The following RUNX3 variants were observed in gnomAD, a reference collection of about 807,000 sequenced individuals.
The protein encoded by RUNX3 is runt-related transcription factor 3.
RUNX3 carries 10 observed loss-of-function variants against 27.7 expected under a neutral mutation model. The ratio of observed to expected loss-of-function variants is 0.36; its 90% CI spans 0.22 to 0.61. The LOEUF (loss-of-function observed/expected upper bound fraction) is 0.61, where lower values mean the gene tolerates loss of function less well. Among genes scored for constraint, RUNX3 ranks in the 20% least tolerant of loss-of-function variants. The pLI, the probability that RUNX3 is intolerant of heterozygous loss-of-function variation, is 0.72. For missense variants in RUNX3, 469 were observed against 629.5 expected (o/e 0.75, Z 2.73); for synonymous variants, 270 against 269.2 (o/e 1.00, Z -0.03).
At position 24,902,142 on chromosome 1, in the gene RUNX3, C is replaced by T; in HGVS notation, c.1228G>A (p.Ala410Thr). The change falls in exon 5 of 5, where the codon GCC becomes ACC. Residue 410 changes from alanine to threonine, a missense_variant. Physicochemically the swap from Ala to Thr is moderately conservative, Grantham distance 58. Transcript: ENST00000308873. This position sits in a 1 kb window ranked among gnomAD's most constrained non-coding sequence, Gnocchi z 9.2. ...ALSTPGRMDE[A>T]VWRPY Reference sequence around the variant, plus strand: ...GGCGGTCAGTAGGGCCGCCACACGGCCTCATCCATGCGGCCTGGCGTGCTC... The same window carrying T: ...GGCGGTCAGTAGGGCCGCCACACGGTCTCATCCATGCGGCCTGGCGTGCTC... The T allele has an allele frequency of 6.4e-7, 1 of 1,559,828 alleles. No homozygotes were observed. Among genetic ancestry groups the T allele is most frequent in the Non-Finnish European group, 8.7e-7 (1 of 1,151,988 alleles).
chr1:24,940,447 T>C (rs1351626991), intron 2 of RUNX3, among the ~76,000 whole-genome samples: 1 of 152,128 alleles, frequency 6.6e-6, no homozygotes, highest in Non-Finnish European at 1.5e-5. Flanking sequence ...AGTTTCCTCA[T>C]CTATGAAATG....
At chr1:24,920,924 C>T (rs1053088544) in intron 2 of RUNX3, among the ~76,000 whole-genome samples, 1 of 152,174 alleles carries the variant, frequency 6.6e-6, no homozygotes, top group Admixed American at 6.5e-5. Context: ...CAGCCTCATG[C>T]TTTATGAGAT....
chr1:24,946,760 C>T (rs911724857), intron 2 of RUNX3, among the ~76,000 whole-genome samples: 1 of 152,142 alleles, frequency 6.6e-6, no homozygotes, highest in Non-Finnish European at 1.5e-5. Context: ...CACCGCCCCA[C>T]ATCCTCCCCA....
intron 2 of RUNX3, among the ~76,000 whole-genome samples, chr1:24,941,873 C>T (rs1304259088): frequency 6.6e-6 from 1 of 152,194 alleles, no homozygotes; most frequent in Non-Finnish European, 1.5e-5. Context: ...CCCTGCCTGG[C>T]AAGTCCAGGT....
In RUNX3 at chr1:24,927,808, T is replaced by G; in HGVS notation, c.283-78A>C. The G allele has an allele frequency of 2.8e-5, 34 of 1,221,650 alleles. No homozygotes were observed. The highest frequency in any genetic ancestry group is 3.6e-5 in the Non-Finnish European group (30 of 827,966). The allele number at this position is 1,221,650 out of a possible 1,614,324, so 75.7% of individuals were successfully genotyped here. A position where few individuals can be genotyped will look rare whatever the true frequency, so the allele number is the denominator to read the frequency against. On this transcript the variant is annotated intron_variant, in intron 1 of 4. Coordinates refer to ENST00000308873, the MANE Select transcript of RUNX3 (RefSeq NM_004350.3). This position sits in a 1 kb window ranked among gnomAD's most constrained non-coding sequence, Gnocchi z 5.0. ...TGACCAGGGAAAGGAGGGGAGGGGCTGGGCTGGGCAGCTCCCCCAGGTCCC... is the reference window on the plus strand; with the variant it reads ...TGACCAGGGAAAGGAGGGGAGGGGCGGGGCTGGGCAGCTCCCCCAGGTCCC...
chr1:24,907,208 G>A, intron 4 of RUNX3, 51 bp downstream of exon 4: 1 of 1,574,876 alleles, frequency 6.3e-7, no homozygotes, highest in East Asian at 2.3e-5. Flanking sequence ...ACCACATCGA[G>A]GCCCTCCACC....
intron 3 of RUNX3, among the ~76,000 whole-genome samples, chr1:24,908,540 C>T (rs1394211423): frequency 6.6e-6 from 1 of 152,046 alleles, no homozygotes; most frequent in African/African-American, 2.4e-5. Flanking sequence ...GTGGCACAAG[C>T]CTGTAGTCCC....
chr1:24,962,475 G>A lies in RUNX3; in HGVS notation c.58+2039C>T, dbSNP rs940740285. On this transcript the variant is annotated intron_variant, in intron 2 of 6. Transcript: ENST00000338888. This position sits in a 1 kb window ranked among gnomAD's most constrained non-coding sequence, Gnocchi z 4.5. ...CCTGGGGCTGCGTCTCTTTGAGGAA[G>A]GAATTGGCAGCTGGAGCCCTGTAAG... 1.3e-4 allele frequency among the ~76,000 whole-genome samples: 20 copies of A among 152,284 alleles called. 1 individual carries two copies. The highest frequency in any genetic ancestry group is 1.7e-4 in the African/African-American group (7 of 41,562).
chr1:24,902,984 A>G lies in RUNX3; in HGVS notation c.704-318T>C, dbSNP rs1318222216. ...TCCCAGCCTCGCAGAGGAGAGGCCT[A>G]GGATGCGGTGGTGGGGCTGAGGGCA... On this transcript the variant is annotated intron_variant, in intron 4 of 4. Transcript: ENST00000308873. This position sits in a 1 kb window ranked among gnomAD's most constrained non-coding sequence, Gnocchi z 9.2. 6.6e-6 allele frequency among the ~76,000 whole-genome samples: 1 copy of G among 152,204 alleles called. No individual in the cohort carries two copies. Among genetic ancestry groups the G allele is most frequent in the Non-Finnish European group, 1.5e-5 (1 of 68,010 alleles).
chr1:24,936,277 C>T (rs1641349161), intron 2 of RUNX3, among the ~76,000 whole-genome samples: 1 of 152,182 alleles, frequency 6.6e-6, no homozygotes, highest in Admixed American at 6.5e-5. Flanking sequence ...TCCCATTTTA[C>T]AGGAAAGAAA....
Position 24,902,997 on chromosome 1 carries a change from G to C in RUNX3, c.704-331C>G, listed in dbSNP as rs1374048504. ...GAGGAGAGGCCTAGGATGCGGTGGTGGGGCTGAGGGCAGAGTCAGCTCAGG... is the reference window on the plus strand; with the variant it reads ...GAGGAGAGGCCTAGGATGCGGTGGTCGGGCTGAGGGCAGAGTCAGCTCAGG... On this transcript the variant is annotated intron_variant, in intron 4 of 4. Coordinates refer to ENST00000308873, the MANE Select transcript of RUNX3 (RefSeq NM_004350.3). The surrounding 1 kb of genome is among the most constrained non-coding windows in gnomAD (Gnocchi z 9.2). 6.6e-6 allele frequency among the ~76,000 whole-genome samples: 1 copy of C among 152,174 alleles called. No individual in the cohort carries two copies. The highest frequency in any genetic ancestry group is 6.5e-5 in the Admixed American group (1 of 15,284).
chr1:24,906,002 C>T (rs1640658349), intron 4 of RUNX3, among the ~76,000 whole-genome samples: 1 of 152,262 alleles, frequency 6.6e-6, no homozygotes, highest in Non-Finnish European at 1.5e-5. Flanking sequence ...ACCTTGGCGT[C>T]TCAGCAGGAC....
intron 2 of RUNX3, among the ~76,000 whole-genome samples, chr1:24,920,788 G>A (rs558258245): frequency 1.3e-5 from 2 of 152,252 alleles, no homozygotes; most frequent in South Asian, 2.1e-4. Context: ...CGTGTAGAAA[G>A]CAGTTTATGA....
chr1:24,930,085 C>A lies in RUNX3; in HGVS notation c.-217G>T. 1.0e-6 allele frequency: 1 copy of A among 979,946 alleles called. No homozygotes were observed. Among genetic ancestry groups the A allele is most frequent in the Non-Finnish European group, 1.2e-6 (1 of 827,804 alleles). 60.7% of individuals were successfully genotyped at this position (979,946 alleles called of 1,614,324 possible). A position where few individuals can be genotyped will look rare whatever the true frequency, so the allele number is the denominator to read the frequency against. ...TGGCCCGACGGCCGCCCGCAGCCTG[C>A]CCGGCTAGTCCCGCATCCTCGGCGC... On this transcript the variant is annotated 5_prime_UTR_variant, in exon 1 of 5. Transcript: ENST00000308873. This position sits in a 1 kb window ranked among gnomAD's most constrained non-coding sequence, Gnocchi z 4.1.
intron 1 of RUNX3, chr1:24,929,154 C>A (rs752735978): frequency 4.3e-6 from 2 of 466,244 alleles, no homozygotes; most frequent in Admixed American, 2.3e-5. Context: ...GAAGCTTTTG[C>A]GAAGCGGCGC....
intron 3 of RUNX3, among the ~76,000 whole-genome samples, chr1:24,917,063 C>T (rs2236851): frequency 0.12 from 19,023 of 152,218 alleles, 1,531 homozygotes; most frequent in Non-Finnish European, 0.18. Context: ...GCAGAGTGGG[C>T]GGCTCTGGGG....
rs1449259131 is a variant in RUNX3, at chr1:24,962,301, C to A, written c.58+2213G>T. On this transcript the variant is annotated intron_variant, in intron 2 of 6. Transcript: ENST00000338888. This position sits in a 1 kb window ranked among gnomAD's most constrained non-coding sequence, Gnocchi z 4.5. ...TTGACAATGGTATTTCCATCGATTT[C>A]TTTTCCTTTGTAATCCTTTGGATTT... The A allele has an allele frequency of 6.6e-6, 1 of 152,220 alleles. No homozygotes were observed. Among genetic ancestry groups the A allele is most frequent in the Non-Finnish European group, 1.5e-5 (1 of 68,034 alleles). 9.4% of individuals were successfully genotyped at this position (152,220 alleles called of 1,614,324 possible).
intron 1 of RUNX3, chr1:24,929,266 C>T: frequency 1.7e-6 from 1 of 597,542 alleles, no homozygotes; most frequent in South Asian, 1.5e-5. Flanking sequence ...CCGTTACCCG[C>T]AGGGCTGTAT....
chr1:24,909,682 T>A (rs2124259204), intron 3 of RUNX3, among the ~76,000 whole-genome samples: 1 of 152,316 alleles, frequency 6.6e-6, no homozygotes, highest in African/African-American at 2.4e-5. Flanking sequence ...AGCTTCCCCT[T>A]TAGTTCCCTT....
Sources: gnomAD v4.1 joint callset for allele counts (sites outside exome capture counted in the v4.1 genomes callset) on GRCh38, gnomAD v4.1.1 for gene constraint, Gnocchi (gnomAD v3.1) non-coding constraint, MANE v1.5 for transcripts, NCBI Gene and HGNC (gene_info 2026-07-23, HGNC 2026-07-21) for gene names.